SLC8A1: variants seen among roughly 807,000 people sequenced by gnomAD.
SLC8A1 encodes the protein solute carrier family 8 member A1.
A neutral mutation model predicts 68.3 loss-of-function variants in SLC8A1; 18 were observed. The observed-to-expected ratio is 0.26, with a 90% CI of 0.18 to 0.39. The LOEUF (loss-of-function observed/expected upper bound fraction) is 0.39, where lower values mean the gene tolerates loss of function less well. Among genes scored for constraint, SLC8A1 ranks in the 10% least tolerant of loss-of-function variants. The probability of loss-of-function intolerance (pLI) is 1.00; values close to 1 mark genes in which losing one functional copy is unlikely to be tolerated. For synonymous variants in SLC8A1, 475 were observed against 415.5 expected (o/e 1.14, Z -1.74); for missense variants, 985 against 1,156.7 (o/e 0.85, Z 2.15).
intron 2 of SLC8A1, among the ~76,000 whole-genome samples, chr2:40,357,133 G>T (rs998168229): frequency 6.6e-6 from 1 of 152,146 alleles, no homozygotes; most frequent in African/African-American, 2.4e-5. Context: ...CAAATAACCT[G>T]CAGAGTGTAT....
intron 2 of SLC8A1, among the ~76,000 whole-genome samples, chr2:40,283,890 T>C (rs1182497128): frequency 6.6e-6 from 1 of 152,150 alleles, no homozygotes; most frequent in Non-Finnish European, 1.5e-5. Context: ...GAACAGTCAG[T>C]GGTCTGGCAT....
At chr2:40,254,447 C>A (rs1182214538) in intron 2 of SLC8A1, 1 of 145,388 alleles carries the variant, frequency 6.9e-6, no homozygotes, top group Admixed American at 6.8e-5. Flanking sequence ...TCAGACAGGT[C>A]ATCAGAAAAC....
At chr2:40,211,797 T>TGTTTC (rs1438362462) in intron 2 of SLC8A1, among the ~76,000 whole-genome samples, 1 of 152,198 alleles carries the variant, frequency 6.6e-6, no homozygotes, top group Non-Finnish European at 1.5e-5. Context: ...GGTCCTCTTT[T>TGTTTC]ATTTCATGGG....
chr2:40,198,235 G>A (rs1277866631), intron 2 of SLC8A1, among the ~76,000 whole-genome samples: 3 of 151,934 alleles, frequency 2.0e-5, no homozygotes, highest in African/African-American at 7.2e-5. Flanking sequence ...GTAAAGGAGG[G>A]ATTAGTGTTT....
chr2:40,172,540 A>G (rs942943683), intron 4 of SLC8A1, among the ~76,000 whole-genome samples: 15 of 152,140 alleles, frequency 9.9e-5, no homozygotes, highest in African/African-American at 3.4e-4. Context: ...TATCAGACAG[A>G]TATTATAGAA....
chr2:40,365,089 T>A (rs1201510876), intron 2 of SLC8A1, among the ~76,000 whole-genome samples: 1 of 152,072 alleles, frequency 6.6e-6, no homozygotes, highest in African/African-American at 2.4e-5. Context: ...CTGGCCATGT[T>A]CTCCATGAGT....
chr2:40,406,059 T>A (rs190888924), intron 2 of SLC8A1, among the ~76,000 whole-genome samples: 41 of 152,286 alleles, frequency 2.7e-4, no homozygotes, highest in Admixed American at 2.2e-3. Context: ...AACTCCCAAA[T>A]TGTTTCCACT....
chr2:40,313,232 C>G (rs2073979238), intron 2 of SLC8A1, among the ~76,000 whole-genome samples: 2 of 152,020 alleles, frequency 1.3e-5, no homozygotes, highest in African/African-American at 4.8e-5. Flanking sequence ...TTCACTCAGC[C>G]TAATTATTTT....
intron 1 of SLC8A1, among the ~76,000 whole-genome samples, chr2:40,501,961 A>G (rs1278047217): frequency 6.6e-6 from 1 of 152,046 alleles, no homozygotes; most frequent in East Asian, 1.9e-4. Flanking sequence ...AGATCTTACC[A>G]TGAAGCATCA....
chr2:40,115,223 T>C, exon 8 of SLC8A1: 3 of 1,443,588 alleles, frequency 2.1e-6, no homozygotes, highest in Non-Finnish European at 2.8e-6. Context: ...TATATGTATA[T>C]ATATAAATTT....
At chr2:40,429,858 G>C (rs1449245019) in exon 2 of SLC8A1, 1 of 1,613,092 alleles carries the variant, frequency 6.2e-7, no homozygotes, top group Non-Finnish European at 8.5e-7. Context: ...AAGATCCCAG[G>C]GCCATCAAGG....
chr2:40,428,544 C>A (rs771692435), exon 2 of SLC8A1: 6 of 1,613,594 alleles, frequency 3.7e-6, no homozygotes, highest in East Asian at 4.5e-5. Context: ...CTCTGGCAGT[C>A]CCTTCGATGG....
At chr2:40,478,041 G>GGTTT (rs1484017539) in intron 1 of SLC8A1, among the ~76,000 whole-genome samples, 10 of 152,280 alleles carry the variant, frequency 6.6e-5, no homozygotes, top group African/African-American at 2.4e-4. Flanking sequence ...ACATCAAACT[G>GGTTT]TGAAAGTCAG....
chr2:40,119,684 A>G (rs2036338894), intron 7 of SLC8A1, among the ~76,000 whole-genome samples: 1 of 152,232 alleles, frequency 6.6e-6, no homozygotes, highest in African/African-American at 2.4e-5. Flanking sequence ...CAGATTTCCA[A>G]TGCGATTGAC....
intron 2 of SLC8A1, chr2:40,223,509 G>GAC (rs2058606455): frequency 1.3e-5 from 2 of 151,970 alleles, no homozygotes; most frequent in African/African-American, 2.4e-5. Flanking sequence ...AGAACTTAAA[G>GAC]TATATATTAA....
intron 2 of SLC8A1, among the ~76,000 whole-genome samples, chr2:40,405,154 C>A (rs1014179440): frequency 6.6e-6 from 1 of 152,166 alleles, no homozygotes; most frequent in Non-Finnish European, 1.5e-5. Context: ...GGGGAACATA[C>A]TTCTTAATTC....
chr2:40,128,031 T>G (rs974990409), intron 7 of SLC8A1, among the ~76,000 whole-genome samples: 6 of 152,196 alleles, frequency 3.9e-5, no homozygotes, highest in African/African-American at 1.4e-4. Flanking sequence ...ATACACAGCT[T>G]ATGTTTCATT....
intron 2 of SLC8A1, among the ~76,000 whole-genome samples, chr2:40,396,894 A>T (rs1354870490): frequency 6.6e-6 from 1 of 151,952 alleles, no homozygotes; most frequent in South Asian, 2.1e-4. Context: ...GTCCACAGGG[A>T]TCCACTGTTC....
chr2:40,474,366 G>A (rs1423694804), intron 1 of SLC8A1, among the ~76,000 whole-genome samples: 5 of 152,094 alleles, frequency 3.3e-5, no homozygotes, highest in African/African-American at 1.2e-4. Flanking sequence ...ACCAGAAAAA[G>A]AAGTTTACTC....
Sources: gnomAD v4.1 joint callset for allele counts (sites outside exome capture counted in the v4.1 genomes callset) on GRCh38, gnomAD v4.1.1 for gene constraint, MANE v1.5 for transcripts, NCBI Gene and HGNC (gene_info 2026-07-23, HGNC 2026-07-21) for gene names.